Variants in PLEKHM2 observed in about 807,000 individuals in gnomAD.
PLEKHM2 encodes pleckstrin homology domain-containing family M member 2.
In PLEKHM2, 77 loss-of-function variants were observed where a neutral mutation model predicts 116.3. The observed-to-expected ratio is 0.66, with a 90% CI of 0.55 to 0.80. The LOEUF is 0.80. Ranked by LOEUF, PLEKHM2 falls within the 30% of genes least tolerant of loss-of-function variation. PLEKHM2 has a pLI of 0.00. For synonymous variants in PLEKHM2, 562 were observed against 571.0 expected (o/e 0.98, Z 0.22); for missense variants, 1,183 against 1,354.9 (o/e 0.87, Z 1.99).
intron 19 of PLEKHM2, 85 bp downstream of exon 19, chr1:15,732,813 C>T (rs2068165980): frequency 3.3e-6 from 3 of 919,304 alleles, no homozygotes; most frequent in Non-Finnish European, 5.0e-6. Flanking sequence ...CTGCTGCTCC[C>T]AGGACTTGGC....
rs1245931438 is a variant in PLEKHM2 at position 15,721,103 on chromosome 1, G to C, written c.653-226G>C. ...TCTGGATGTGGAAAGGGGTCACCCT[G>C]ACAGGTCTTTCCAGCTGGTTGGAGG... is the stretch of plus-strand genomic sequence containing the variant. On this transcript the variant is annotated intron_variant, in intron 6 of 19. Transcript: ENST00000375799. The surrounding 1 kb of genome is among the most constrained non-coding windows in gnomAD (Gnocchi z 5.1). The C allele has an allele frequency of 2.0e-6, 1 of 512,602 alleles. No individual in the cohort carries two copies. The highest frequency in any genetic ancestry group is 3.3e-5 in the East Asian group (1 of 30,700). The allele number at this position is 512,602 out of a possible 1,614,324, so 31.8% of individuals were successfully genotyped here. A position where few individuals can be genotyped will look rare whatever the true frequency, so the allele number is the denominator to read the frequency against.
At chr1:15,723,806 G>A (rs778050149) in intron 7 of PLEKHM2, among the ~76,000 whole-genome samples, 1 of 151,552 alleles carries the variant, frequency 6.6e-6, no homozygotes, top group Non-Finnish European at 1.5e-5. Context: ...CTGCCCTGTG[G>A]CTTCCAAGGG....
Position 15,728,783 on chromosome 1 carries a change from C to G in PLEKHM2, c.1986+50C>G. The G allele has an allele frequency of 6.7e-7, 1 of 1,502,368 alleles. No individual in the cohort carries two copies. Among genetic ancestry groups the G allele is most frequent in the East Asian group, 2.4e-5 (1 of 42,262 alleles). 93.1% of individuals were successfully genotyped at this position (1,502,368 alleles called of 1,614,324 possible). ...CGCCTGCTGTAGGTACAGGGCTTCT[C>G]AAGCCACTTACCCATAGAACTGCAG... is the stretch of plus-strand genomic sequence containing the variant. On this transcript the variant is annotated intron_variant, in intron 12 of 19. Coordinates refer to ENST00000375799, the MANE Select transcript of PLEKHM2 (RefSeq NM_015164.4). This position sits in a 1 kb window ranked among gnomAD's most constrained non-coding sequence, Gnocchi z 5.9.
rs1436016641 is a variant in PLEKHM2, at chr1:15,732,433, G to A, written c.2709G>A (p.Glu903=). ...ATGACCGCCTCTTTACGTGCCATGA[G>A]GATTGCCAGACCAGCTTCTTCCGCT... ...LTDDRLFTCH[E]DCQTSFFRSL... The change falls in exon 18 of 20, where the codon GAG becomes GAA. Residue 903 remains glutamate, a synonymous_variant. Coordinates refer to ENST00000375799, the MANE Select transcript of PLEKHM2 (RefSeq NM_015164.4). The A allele has an allele frequency of 3.1e-6, 5 of 1,589,124 alleles. No homozygotes were observed. In the East Asian group the frequency reaches 6.9e-5, roughly 22 times the overall value.
intron 3 of PLEKHM2, among the ~76,000 whole-genome samples, chr1:15,717,511 T>C (rs574204941): frequency 1.3e-3 from 191 of 152,248 alleles, no homozygotes; most frequent in Middle Eastern, 6.8e-3. Context: ...GGCACAGCAG[T>C]GATGGGGAGA....
chr1:15,729,132 G>A lies in PLEKHM2; in HGVS notation c.2017G>A (p.Val673Met). 1 of 1,611,902 alleles carries A rather than the reference G, an allele frequency of 6.2e-7. No homozygotes were observed. The highest frequency in any genetic ancestry group is 8.5e-7 in the Non-Finnish European group (1 of 1,179,150). The part of the protein sequence containing the change: ...VGLDQQTVKL[V>M]CTNRRKQFLL... ...CCTTGACCAGCAGACGGTGAAGCTG[G>A]TGTGCACCAACCGCAGGAAGCAGTT... Residue 673 changes from valine to methionine, a missense_variant, in exon 13 of 20, where the codon GTG (valine) becomes ATG (methionine). This residue lies in a region of PLEKHM2 where 594 missense variants were observed against 720.1 expected (regional missense o/e 0.82). Transcript: ENST00000375799. The surrounding 1 kb of genome is among the most constrained non-coding windows in gnomAD (Gnocchi z 4.7).
At chr1:15,691,152 C>T (rs534971881) in intron 1 of PLEKHM2, among the ~76,000 whole-genome samples, 2 of 152,298 alleles carry the variant, frequency 1.3e-5, no homozygotes, top group South Asian at 2.1e-4. Flanking sequence ...TCACTGTAGC[C>T]TTCAACTCCT....
rs771080566 is a variant in PLEKHM2 at position 15,719,958 on chromosome 1, G to T, written c.652+38G>T. The T allele has an allele frequency of 6.4e-7, 1 of 1,551,680 alleles. No homozygotes were observed. The highest frequency in any genetic ancestry group is 8.8e-7 in the Non-Finnish European group (1 of 1,134,658). On this transcript the variant is annotated intron_variant, in intron 6 of 19. Coordinates refer to ENST00000375799, the MANE Select transcript of PLEKHM2 (RefSeq NM_015164.4). The surrounding 1 kb of genome is among the most constrained non-coding windows in gnomAD (Gnocchi z 4.1). Reference sequence around the variant, plus strand: ...AGGGCAGAAAAGCTAAGCCCCTGTTGTGAAACAGACTTGAACTGCTTAAGC... The same window carrying T: ...AGGGCAGAAAAGCTAAGCCCCTGTTTTGAAACAGACTTGAACTGCTTAAGC...
intron 7 of PLEKHM2, 151 bp from the exon 8 acceptor site, chr1:15,725,166 T>G (rs893552783): frequency 3.7e-5 from 23 of 622,344 alleles, no homozygotes; most frequent in Admixed American, 1.6e-4. Flanking sequence ...CCTGTTAGGT[T>G]GTGGCTTCTA....
intron 1 of PLEKHM2, among the ~76,000 whole-genome samples, chr1:15,697,690 G>T (rs552355669): frequency 2.0e-5 from 3 of 152,214 alleles, no homozygotes; most frequent in South Asian, 2.1e-4. Context: ...TTGAGACAGG[G>T]TCTCACTCTG....
rs373891163 is a variant in PLEKHM2, at chr1:15,729,085, G to A, written c.1987-17G>A. 4.5e-4 allele frequency: 713 copies of A among 1,599,840 alleles called. 6 individuals are homozygous for A. In the Middle Eastern group the frequency reaches 5.0e-3, roughly 11 times the overall value. On this transcript the variant is annotated splice_polypyrimidine_tract_variant and intron_variant, in intron 12 of 19. Transcript: ENST00000375799. This position sits in a 1 kb window ranked among gnomAD's most constrained non-coding sequence, Gnocchi z 4.7. ...CAGCTAAGCCCCAAGTGCATGTCAC[G>A]GTGTGGTTTCTGGCAGGTTGGCCTT...
At position 15,686,468 on chromosome 1, in the gene PLEKHM2, T is replaced by G. The variant is rs151313475; in HGVS notation, c.60+1850T>G. ...AATTAGGGATGTTGTGGAGTGTTTTTTTGTTGTTGTTGTTGTTGTTGTTTG... is the reference window on the plus strand; with the variant it reads ...AATTAGGGATGTTGTGGAGTGTTTTGTTGTTGTTGTTGTTGTTGTTGTTTG... On this transcript the variant is annotated intron_variant, in intron 1 of 19. Transcript: ENST00000375799. 4.0e-3 allele frequency among the ~76,000 whole-genome samples: 607 copies of G among 152,022 alleles called. 3 individuals carry two copies. Among genetic ancestry groups the G allele is most frequent in the African/African-American group, 0.014 (565 of 41,452 alleles).
At position 15,734,748 on chromosome 1, in the gene PLEKHM2, AAT is replaced by A. The variant is rs1309011497; in HGVS notation, c.*816_*817del. The A allele has an allele frequency of 1.3e-5, 2 of 152,184 alleles. No individual in the cohort carries two copies. Among genetic ancestry groups the A allele is most frequent in the Non-Finnish European group, 2.9e-5 (2 of 68,030 alleles). 9.4% of individuals were successfully genotyped at this position (152,184 alleles called of 1,614,324 possible). A position where few individuals can be genotyped will look rare whatever the true frequency, so the allele number is the denominator to read the frequency against. On this transcript the variant is annotated 3_prime_UTR_variant, in exon 20 of 20. Coordinates refer to ENST00000375799, the MANE Select transcript of PLEKHM2 (RefSeq NM_015164.4). The stretch of plus-strand genomic sequence containing the variant: ...GTTTGGGTTTTGTTTTTTAAAATAA[AAT>A]AGACATGTTATATTGCCAAGGCTTG...
chr1:15,696,579 G>C (rs1334259730), intron 1 of PLEKHM2, among the ~76,000 whole-genome samples: 3 of 151,998 alleles, frequency 2.0e-5, no homozygotes, highest in Non-Finnish European at 4.4e-5. Flanking sequence ...TCGAACTCCT[G>C]ACCTCAGGTG....
At chr1:15,726,630 G>A (rs536067459) in intron 8 of PLEKHM2, among the ~76,000 whole-genome samples, 47 of 152,308 alleles carry the variant, frequency 3.1e-4, no homozygotes, top group African/African-American at 1.1e-3. Flanking sequence ...AGGTCAGCTC[G>A]GGATCCACAT....
At chr1:15,718,428 A>T in intron 4 of PLEKHM2, 110 bp from the exon 5 acceptor site, 1 of 704,320 alleles carries the variant, frequency 1.4e-6, no homozygotes, top group Non-Finnish European at 2.5e-6. Flanking sequence ...GTGCCGTCCA[A>T]GGTGGAGGAC....
At chr1:15,702,638 G>A (rs987280537) in intron 1 of PLEKHM2, among the ~76,000 whole-genome samples, 4 of 150,254 alleles carry the variant, frequency 2.7e-5, no homozygotes, top group African/African-American at 7.4e-5. Context: ...GGCTGGTCTC[G>A]AACTCCTGAC....
intron 1 of PLEKHM2, among the ~76,000 whole-genome samples, chr1:15,703,975 T>G (rs1641170364): frequency 6.6e-6 from 1 of 152,174 alleles, no homozygotes; most frequent in African/African-American, 2.4e-5. Context: ...GAACATGCCT[T>G]TGAGACAGAG....
intron 3 of PLEKHM2, among the ~76,000 whole-genome samples, 189 bp downstream of exon 3, chr1:15,717,005 C>A (rs914476823): frequency 2.6e-5 from 4 of 152,162 alleles, no homozygotes; most frequent in African/African-American, 9.7e-5. Flanking sequence ...GTAATCCCAG[C>A]ATTTTGGGAG....
Sources: gnomAD v4.1 joint callset for allele counts (sites outside exome capture counted in the v4.1 genomes callset) on GRCh38, gnomAD v4.1.1 for gene constraint, gnomAD v4.1.1 regional missense constraint, Gnocchi (gnomAD v3.1) non-coding constraint, MANE v1.5 for transcripts, NCBI Gene and HGNC (gene_info 2026-07-23, HGNC 2026-07-21) for gene names.